The following SMAD2 variants were observed in gnomAD, a reference collection of about 807,000 sequenced individuals.
SMAD2 encodes SMAD family member 2.
Under a neutral mutation model 64.4 loss-of-function variants are expected in SMAD2, and 8 were observed. The ratio of observed to expected loss-of-function variants is 0.12; its 90% CI spans 0.07 to 0.22. The LOEUF is 0.22. Among genes scored for constraint, SMAD2 ranks in the 10% least tolerant of loss-of-function variants. SMAD2 has a pLI of 1.00. For missense variants in SMAD2, 289 were observed against 561.2 expected, an observed-to-expected ratio of 0.51 and a Z score of 4.90; for synonymous variants, 203 against 195.8, an observed-to-expected ratio of 1.04 and a Z score of -0.31.
At position 47,813,149 on chromosome 18, in the gene SMAD2, G is replaced by C. The variant is rs1912255929; in HGVS notation, c.*28678C>G. The C allele has an allele frequency of 6.6e-6, 1 of 152,240 alleles. No individual in the cohort carries two copies. Among genetic ancestry groups the C allele is most frequent in the Non-Finnish European group, 1.5e-5 (1 of 68,074 alleles). 9.4% of individuals were successfully genotyped at this position (152,240 alleles called of 1,614,324 possible). ...AAGAATTGCTTGAATCCAGGAGGCA[G>C]AGGTTGCAGTGAGTCAAGACTGTGC... is the stretch of plus-strand genomic sequence containing the variant. On this transcript the variant is annotated 3_prime_UTR_variant, in exon 11 of 11. Transcript: ENST00000262160.
At chr18:47,874,173 T>A (rs2032121668) in intron 2 of SMAD2, among the ~76,000 whole-genome samples, 1 of 152,210 alleles carries the variant, frequency 6.6e-6, no homozygotes, top group African/African-American at 2.4e-5. Context: ...AGCAAAAATA[T>A]TTTTGTAGCA....
In SMAD2 at chr18:47,824,700, T is replaced by G. The variant is rs1277052680; in HGVS notation, c.*17127A>C. On this transcript the variant is annotated 3_prime_UTR_variant, in exon 11 of 11. Coordinates refer to ENST00000262160, the MANE Select transcript of SMAD2 (RefSeq NM_005901.6). ...ATATCTGCTTCCAAACACACTAAAG[T>G]ACAGTATACTCAATTTTAAATATAG... is the stretch of plus-strand genomic sequence containing the variant. 1 of 152,170 alleles carries G rather than the reference T, an allele frequency of 6.6e-6. No individual in the cohort carries two copies. Among genetic ancestry groups the G allele is most frequent in the Non-Finnish European group, 1.5e-5 (1 of 68,026 alleles). 9.4% of individuals were successfully genotyped at this position (152,170 alleles called of 1,614,324 possible). A position where few individuals can be genotyped will look rare whatever the true frequency, so the allele number is the denominator to read the frequency against.
intron 1 of SMAD2, among the ~76,000 whole-genome samples, chr18:47,899,312 T>G (rs753523239): frequency 1.3e-5 from 2 of 152,082 alleles, no homozygotes; most frequent in African/African-American, 4.8e-5. Flanking sequence ...AACAAAGGTT[T>G]GGAGCTTAGC....
At chr18:47,909,855 CA>C (rs1486459109) in intron 1 of SMAD2, among the ~76,000 whole-genome samples, 1 of 152,106 alleles carries the variant, frequency 6.6e-6, no homozygotes, top group Non-Finnish European at 1.5e-5. Flanking sequence ...CCAAATATGT[CA>C]AAGTGATCTA....
At chr18:47,921,656 T>G (rs977696187) in intron 1 of SMAD2, among the ~76,000 whole-genome samples, 2 of 152,188 alleles carry the variant, frequency 1.3e-5, no homozygotes, top group African/African-American at 4.8e-5. Flanking sequence ...TTTAATTTTT[T>G]TAAGCACACA....
intron 8 of SMAD2, among the ~76,000 whole-genome samples, chr18:47,846,581 C>T (rs981067304): frequency 6.6e-6 from 1 of 152,086 alleles, no homozygotes; most frequent in Admixed American, 6.6e-5. Flanking sequence ...TGATTCAAAG[C>T]ATGAAAGGTA....
chr18:47,901,696 A>G (rs1476000871), intron 1 of SMAD2, among the ~76,000 whole-genome samples: 2 of 152,200 alleles, frequency 1.3e-5, no homozygotes, highest in East Asian at 3.8e-4. Context: ...AACACTGCTG[A>G]GTAGCAGTTT....
At chr18:47,917,471 A>C (rs1268347894) in intron 1 of SMAD2, among the ~76,000 whole-genome samples, 1 of 152,072 alleles carries the variant, frequency 6.6e-6, no homozygotes, top group African/African-American at 2.4e-5. Context: ...GTTTATGGAG[A>C]TATTTCAGCT....
At chr18:47,881,283 C>T (rs1009715544) in intron 2 of SMAD2, among the ~76,000 whole-genome samples, 1 of 152,126 alleles carries the variant, frequency 6.6e-6, no homozygotes, top group Non-Finnish European at 1.5e-5. Flanking sequence ...CTTCTCTCAG[C>T]AAGGTTTCAG....
intron 6 of SMAD2, 148 bp downstream of exon 6, chr18:47,864,911 C>CAATCA (rs1157696941): frequency 1.7e-5 from 11 of 645,208 alleles, no homozygotes; most frequent in Non-Finnish European, 3.1e-5. Context: ...TTTGGTAGTT[C>CAATCA]AGATATGTTA....
chr18:47,826,563 C>T lies in SMAD2; in HGVS notation c.*15264G>A, dbSNP rs1006932947. On this transcript the variant is annotated 3_prime_UTR_variant, in exon 11 of 11. Coordinates refer to ENST00000262160, the MANE Select transcript of SMAD2 (RefSeq NM_005901.6). The stretch of plus-strand genomic sequence containing the variant: ...GGAGGCATGTGGAAAAATGCCAAGT[C>T]CTTCCAGGTGAGGCCAACTCCCTCA... 1.3e-5 allele frequency: 2 copies of T among 152,210 alleles called. No homozygotes were observed. Among genetic ancestry groups the T allele is most frequent in the African/African-American group, 4.8e-5 (2 of 41,454 alleles). 9.4% of individuals were successfully genotyped at this position (152,210 alleles called of 1,614,324 possible). A position where few individuals can be genotyped will look rare whatever the true frequency, so the allele number is the denominator to read the frequency against.
chr18:47,816,146 T>C lies in SMAD2; in HGVS notation c.*25681A>G, dbSNP rs911091284. On this transcript the variant is annotated 3_prime_UTR_variant, in exon 11 of 11. Transcript: ENST00000262160. ...CTTCCCTTGAAAATGTTAGCTCCCA[T>C]GCCACATTTAGTCAAGACAACAATA... 3.2e-4 allele frequency: 48 copies of C among 152,280 alleles called. No individual in the cohort carries two copies. Among genetic ancestry groups the C allele is most frequent in the African/African-American group, 1.1e-3 (47 of 41,556 alleles). The allele number at this position is 152,280 out of a possible 1,614,324, so 9.4% of individuals were successfully genotyped here.
rs149905772 is a variant in SMAD2, at chr18:47,838,909, G to T, written c.*2918C>A. The stretch of plus-strand genomic sequence containing the variant: ...CCTAGAAAATTAACAGTATTGTGAA[G>T]AATAAATCCTAAGTAATGTTGCTAA... On this transcript the variant is annotated 3_prime_UTR_variant, in exon 11 of 11. Coordinates refer to ENST00000262160, the MANE Select transcript of SMAD2 (RefSeq NM_005901.6). The T allele has an allele frequency of 1.2e-3, 276 of 232,306 alleles. 5 individuals carry two copies. The East Asian group carries it at 0.014, about 12-fold the overall frequency. 14.4% of individuals were successfully genotyped at this position (232,306 alleles called of 1,614,324 possible).
At chr18:47,888,292 AACTG>A (rs1157103233) in intron 2 of SMAD2, among the ~76,000 whole-genome samples, 7 of 152,184 alleles carry the variant, frequency 4.6e-5, no homozygotes, top group Admixed American at 3.3e-4. Context: ...TTTCTAGGTG[AACTG>A]ACAAATGCCT....
intron 1 of SMAD2, among the ~76,000 whole-genome samples, chr18:47,899,932 A>G (rs1248038963): frequency 2.6e-5 from 4 of 152,186 alleles, no homozygotes; most frequent in Admixed American, 2.6e-4. Context: ...AATGCTTCAG[A>G]GAACAGATTC....
At chr18:47,845,920 GATA>G (rs1478897406) in intron 8 of SMAD2, 120 bp from the exon 9 acceptor site, 2 of 852,362 alleles carry the variant, frequency 2.3e-6, no homozygotes, top group African/African-American at 1.7e-5. Flanking sequence ...CTTTTTCACA[GATA>G]ATGTCTTTCT....
At chr18:47,888,930 A>T (rs2033048786) in intron 2 of SMAD2, among the ~76,000 whole-genome samples, 1 of 152,190 alleles carries the variant, frequency 6.6e-6, no homozygotes, top group African/African-American at 2.4e-5. Flanking sequence ...TTAAGGAAAT[A>T]GACAAAATGG....
chr18:47,871,820 T>C (rs1368456793), intron 2 of SMAD2, among the ~76,000 whole-genome samples: 1 of 152,232 alleles, frequency 6.6e-6, no homozygotes, highest in Non-Finnish European at 1.5e-5. Flanking sequence ...CAAATATCTA[T>C]TGGAAACATA....
intron 2 of SMAD2, among the ~76,000 whole-genome samples, chr18:47,873,734 A>G (rs948874857): frequency 2.6e-5 from 4 of 152,194 alleles, no homozygotes; most frequent in Admixed American, 2.0e-4. Context: ...ACAAAAGCTG[A>G]AGGGAGGTCC....
Sources: gnomAD v4.1 joint callset for allele counts (sites outside exome capture counted in the v4.1 genomes callset) on GRCh38, gnomAD v4.1.1 for gene constraint, MANE v1.5 for transcripts, NCBI Gene and HGNC (gene_info 2026-07-23, HGNC 2026-07-21) for gene names.